The following STPG2 variants were observed in gnomAD, a reference collection of about 807,000 sequenced individuals.
STPG2 encodes sperm-tail PG-rich repeat-containing protein 2.
Under a neutral mutation model 54.2 loss-of-function variants are expected in STPG2, and 56 were observed. The observed-to-expected ratio is 1.03, with a 90% confidence interval of 0.83 to 1.29. The LOEUF (loss-of-function observed/expected upper bound fraction) is 1.29. Among genes scored for constraint, STPG2 ranks in the 50% most tolerant of loss-of-function variants. The pLI is 0.00. For synonymous variants in STPG2, 200 were observed against 181.8 expected (o/e 1.10, Z -0.81); for missense variants, 596 against 544.9 (o/e 1.09, Z -0.93).
intron 4 of STPG2, among the ~76,000 whole-genome samples, chr4:97,539,683 C>T (rs536706785): frequency 6.6e-6 from 1 of 152,136 alleles, no homozygotes; most frequent in African/African-American, 2.4e-5. Flanking sequence ...CAGCTCTGCA[C>T]CTAATAGACC....
At chr4:97,844,692 T>A (rs1017858639) in intron 8 of STPG2, among the ~76,000 whole-genome samples, 2 of 152,058 alleles carry the variant, frequency 1.3e-5, no homozygotes, top group African/African-American at 4.8e-5. Context: ...ACTTCATGGA[T>A]TCATGGATAT....
chr4:97,478,880 T>C (rs950166985), intron 4 of STPG2, among the ~76,000 whole-genome samples: 87 of 78,792 alleles, frequency 1.1e-3, no homozygotes, highest in Admixed American at 8.4e-4. Context: ...AATATGTGTG[T>C]GTGTGTGTGT....
chr4:97,589,975 A>T (rs1279746544), intron 10 of STPG2, among the ~76,000 whole-genome samples: 1 of 152,134 alleles, frequency 6.6e-6, no homozygotes, highest in Non-Finnish European at 1.5e-5. Flanking sequence ...GGTGAAATTG[A>T]CTAAAGAGGG....
intron 4 of STPG2, among the ~76,000 whole-genome samples, chr4:97,504,847 C>T (rs1403234858): frequency 2.0e-5 from 3 of 151,974 alleles, no homozygotes; most frequent in Non-Finnish European, 4.4e-5. Context: ...GTCCCAGGGA[C>T]TATTCAATGG....
At chr4:98,109,412 A>C in intron 3 of STPG2, 107 bp from the exon 4 acceptor site, 3 of 760,760 alleles carry the variant, frequency 3.9e-6, no homozygotes, top group African/African-American at 1.8e-5. Flanking sequence ...GGATAGCCTC[A>C]GTAAGGGGGT....
chr4:98,026,298 T>C, intron 5 of STPG2: 1 of 679,422 alleles, frequency 1.5e-6, no homozygotes, highest in East Asian at 2.8e-5. Flanking sequence ...GATTTTCAGA[T>C]AAAGACAATA....
At chr4:97,947,845 G>T (rs1733298483) in intron 7 of STPG2, among the ~76,000 whole-genome samples, 1 of 151,900 alleles carries the variant, frequency 6.6e-6, no homozygotes, top group Admixed American at 6.6e-5. Context: ...CATTCATCAG[G>T]GATATTGGTC....
chr4:97,782,951 A>G (rs1578559944), intron 9 of STPG2, among the ~76,000 whole-genome samples: 4 of 152,258 alleles, frequency 2.6e-5, no homozygotes, highest in African/African-American at 2.4e-5. Context: ...AAAGACTTCA[A>G]TGTTAGACCT....
At chr4:97,766,138 C>G (rs2149058070) in intron 9 of STPG2, among the ~76,000 whole-genome samples, 1 of 152,210 alleles carries the variant, frequency 6.6e-6, no homozygotes, top group Admixed American at 6.5e-5. Flanking sequence ...AATATGATCT[C>G]TATTTAAAAC....
At chr4:97,664,827 G>A (rs887896365) in intron 10 of STPG2, among the ~76,000 whole-genome samples, 3 of 151,978 alleles carry the variant, frequency 2.0e-5, no homozygotes, top group South Asian at 4.2e-4. Context: ...GGGCCCACTC[G>A]GCTGGGCAGG....
At chr4:97,681,275 AG>A (rs1723025757) in intron 10 of STPG2, among the ~76,000 whole-genome samples, 1 of 151,882 alleles carries the variant, frequency 6.6e-6, no homozygotes, top group Non-Finnish European at 1.5e-5. Context: ...CTGACCTCAG[AG>A]GTGAAGAGGT....
intron 5 of STPG2, among the ~76,000 whole-genome samples, chr4:97,986,896 G>C (rs2149266665): frequency 6.6e-6 from 1 of 152,306 alleles, no homozygotes; most frequent in Admixed American, 6.5e-5. Context: ...CTGGGATTGA[G>C]AAAGAAAAGC....
intron 9 of STPG2, among the ~76,000 whole-genome samples, chr4:97,791,606 T>C (rs556674580): frequency 6.6e-6 from 1 of 152,288 alleles, no homozygotes; most frequent in South Asian, 2.1e-4. Context: ...ATAGCAGTGT[T>C]ATTTTTTTCT....
At chr4:98,096,918 G>T (rs903716310) in intron 5 of STPG2, among the ~76,000 whole-genome samples, 7 of 151,946 alleles carry the variant, frequency 4.6e-5, no homozygotes, top group Admixed American at 2.6e-4. Flanking sequence ...ACCTACCAAG[G>T]TTAACCCACA....
chr4:97,591,591 A>T (rs935354937), intron 10 of STPG2, among the ~76,000 whole-genome samples: 3 of 152,188 alleles, frequency 2.0e-5, no homozygotes, highest in Non-Finnish European at 2.9e-5. Flanking sequence ...GTGAAAAATG[A>T]TGTGAAATAA....
At chr4:97,518,773 G>T (rs1430194167) in intron 4 of STPG2, among the ~76,000 whole-genome samples, 1 of 151,950 alleles carries the variant, frequency 6.6e-6, no homozygotes, top group African/African-American at 2.4e-5. Flanking sequence ...TGTTACTTCT[G>T]TCAAAAATAA....
chr4:97,642,695 C>A (rs59810062), intron 10 of STPG2, among the ~76,000 whole-genome samples: 20,709 of 151,276 alleles, frequency 0.14, 4,119 homozygotes, highest in African/African-American at 0.44. Context: ...ATAAACAATT[C>A]ACGTAGGCAC....
intron 10 of STPG2, among the ~76,000 whole-genome samples, chr4:97,667,313 A>G (rs1453721689): frequency 1.3e-5 from 2 of 152,242 alleles, no homozygotes; most frequent in East Asian, 3.8e-4. Flanking sequence ...CTATAAAAAC[A>G]TAAACAAAGA....
chr4:98,095,881 T>C (rs1738843198), intron 5 of STPG2, among the ~76,000 whole-genome samples: 1 of 152,168 alleles, frequency 6.6e-6, no homozygotes, highest in South Asian at 2.1e-4. Context: ...CCTCAGCCTA[T>C]AGATCATTCT....
Sources: allele counts gnomAD v4.1 joint callset (sites outside exome capture counted in the v4.1 genomes callset), GRCh38; gene constraint gnomAD v4.1.1; transcripts MANE v1.5; gene names NCBI Gene and HGNC (gene_info 2026-07-23, HGNC 2026-07-21).